Variants in SLC25A48 observed in about 807,000 individuals in gnomAD.
The protein encoded by SLC25A48 is solute carrier family 25 member 48.
SLC25A48 carries 29 observed loss-of-function variants against 32.2 expected under a neutral mutation model. The observed-to-expected ratio is 0.90, with a 90% confidence interval of 0.67 to 1.23. The LOEUF (loss-of-function observed/expected upper bound fraction) is 1.23, where lower values mean the gene tolerates loss of function less well. SLC25A48 is among the 50% of genes most tolerant of loss of function. The pLI is 0.00. For synonymous variants in SLC25A48, 164 were observed against 172.3 expected (o/e 0.95, Z 0.38); for missense variants, 399 against 422.7 (o/e 0.94, Z 0.49).
At chr5:135,669,230 C>T (rs911861427) in intron 3 of SLC25A48, among the ~76,000 whole-genome samples, 1 of 152,158 alleles carries the variant, frequency 6.6e-6, no homozygotes, top group Non-Finnish European at 1.5e-5. Context: ...GTCTTCTCCC[C>T]AGCCTGAGCA....
chr5:135,657,706 T>C (rs1753286914), intron 3 of SLC25A48, among the ~76,000 whole-genome samples: 1 of 152,178 alleles, frequency 6.6e-6, no homozygotes, highest in Non-Finnish European at 1.5e-5. Flanking sequence ...CTAAATTCCC[T>C]GGGCAGGAGT....
chr5:135,758,238 T>C (rs1755971352), intron 3 of SLC25A48, among the ~76,000 whole-genome samples: 1 of 150,862 alleles, frequency 6.6e-6, no homozygotes, highest in African/African-American at 2.4e-5. Context: ...CTCTATGATA[T>C]TTATAATATC....
intron 3 of SLC25A48, among the ~76,000 whole-genome samples, chr5:135,745,670 G>T (rs116383756): frequency 6.6e-6 from 1 of 152,190 alleles, no homozygotes; most frequent in Non-Finnish European, 1.5e-5. Flanking sequence ...ACTTAAAGCT[G>T]TGGTGGTTTA....
chr5:135,846,789 G>T (rs1190551755), intron 2 of SLC25A48, among the ~76,000 whole-genome samples: 2 of 152,122 alleles, frequency 1.3e-5, no homozygotes, highest in Non-Finnish European at 2.9e-5. Context: ...AGAGACCTGA[G>T]AAAATAGTAT....
At chr5:135,824,918 AG>A (rs1386320102) in intron 4 of SLC25A48, 1 of 152,284 alleles carries the variant, frequency 6.6e-6, no homozygotes, top group Non-Finnish European at 1.5e-5. Flanking sequence ...GCCCCTGGAC[AG>A]GCCCCTCTCA....
intron 5 of SLC25A48, chr5:135,872,865 T>A (rs1373516079): frequency 1.3e-5 from 2 of 152,340 alleles, no homozygotes; most frequent in African/African-American, 4.8e-5. Flanking sequence ...ACGAAGCTCA[T>A]GTCTTAGCCA....
rs905166711 is a variant in SLC25A48 at position 135,782,889 on chromosome 5, T to C, written c.-520-29634T>C. ...ACCAGCTGTACAACCCCCTGTGACA[T>C]TGGTTCAAAATCCAGGGGGTGAGAA... is the stretch of plus-strand genomic sequence containing the variant. On this transcript the variant is annotated intron_variant, in intron 3 of 10. Coordinates refer to the SLC25A48 transcript ENST00000646290. Among the ~76,000 whole-genome samples, 2 of 117,508 alleles carry C rather than the reference T, an allele frequency of 1.7e-5. 1 individual carries two copies. The highest frequency in any genetic ancestry group is 5.2e-5 in the African/African-American group (2 of 38,770). The allele number at this position is 117,508 out of a possible 152,430, so 77.1% of individuals were successfully genotyped here. A position where few individuals can be genotyped will look rare whatever the true frequency, so the allele number is the denominator to read the frequency against.
chr5:135,796,908 C>T (rs1757195707), intron 3 of SLC25A48, among the ~76,000 whole-genome samples: 1 of 151,506 alleles, frequency 6.6e-6, no homozygotes, highest in East Asian at 1.9e-4. Context: ...GAATGTACAC[C>T]CCTCCTGCGA....
intron 3 of SLC25A48, among the ~76,000 whole-genome samples, chr5:135,733,388 A>G (rs1755279060): frequency 6.6e-6 from 1 of 152,196 alleles, no homozygotes; most frequent in Non-Finnish European, 1.5e-5. Flanking sequence ...GGTATCTGGA[A>G]TAATGTGGGA....
chr5:135,636,315 C>T (rs1020487111), intron 3 of SLC25A48, among the ~76,000 whole-genome samples: 15 of 152,096 alleles, frequency 9.9e-5, no homozygotes, highest in Non-Finnish European at 1.9e-4. Context: ...GAGCGAGAGA[C>T]AAGTCAGCCA....
At chr5:135,810,893 G>A (rs1027143913) in intron 3 of SLC25A48, among the ~76,000 whole-genome samples, 3 of 152,314 alleles carry the variant, frequency 2.0e-5, no homozygotes, top group South Asian at 2.1e-4. Flanking sequence ...CTGGATAAGC[G>A]AATGTTTCTC....
At chr5:135,758,533 T>C (rs1387576598) in intron 3 of SLC25A48, among the ~76,000 whole-genome samples, 1 of 150,886 alleles carries the variant, frequency 6.6e-6, no homozygotes, top group Non-Finnish European at 1.5e-5. Flanking sequence ...TTGTGATATC[T>C]ATCATACCTC....
chr5:135,745,445 C>T (rs1164821080), intron 3 of SLC25A48, among the ~76,000 whole-genome samples: 4 of 152,178 alleles, frequency 2.6e-5, no homozygotes, highest in African/African-American at 9.7e-5. Flanking sequence ...TGTCACAGTG[C>T]TGCAGAGATT....
At chr5:135,775,173 C>T (rs1756518977) in intron 3 of SLC25A48, among the ~76,000 whole-genome samples, 3 of 151,706 alleles carry the variant, frequency 2.0e-5, no homozygotes, top group Non-Finnish European at 2.9e-5. Context: ...GATGATATTA[C>T]TCCCAATATC....
intron 3 of SLC25A48, among the ~76,000 whole-genome samples, chr5:135,772,133 C>T (rs1365462496): frequency 2.0e-5 from 3 of 151,300 alleles, no homozygotes; most frequent in African/African-American, 7.3e-5. Flanking sequence ...AATATTACTC[C>T]CAGTATCACA....
intron 3 of SLC25A48, among the ~76,000 whole-genome samples, chr5:135,687,359 A>G (rs6878474): frequency 0.6 from 91,927 of 152,052 alleles, 27,900 homozygotes; most frequent in Non-Finnish European, 0.62. Context: ...ACTTAGAATT[A>G]CAGTATTTAT....
At chr5:135,814,707 G>A (rs72791365) in intron 4 of SLC25A48, among the ~76,000 whole-genome samples, 58,001 of 152,134 alleles carry the variant, frequency 0.38, 12,598 homozygotes, top group Non-Finnish European at 0.49. Flanking sequence ...TGAATCCCCA[G>A]CCCTGGTGTG....
intron 3 of SLC25A48, among the ~76,000 whole-genome samples, chr5:135,660,080 A>G (rs1753360051): frequency 6.6e-6 from 1 of 152,218 alleles, no homozygotes; most frequent in Non-Finnish European, 1.5e-5. Context: ...AATTGTGCAT[A>G]CATAAAAATT....
intron 3 of SLC25A48, among the ~76,000 whole-genome samples, chr5:135,777,788 G>A (rs116687508): frequency 0.3 from 44,137 of 148,456 alleles, 6,630 homozygotes; most frequent in East Asian, 0.45. Flanking sequence ...AATATCCGGG[G>A]GGGGGGGGAA....
Sources: gnomAD v4.1 joint callset for allele counts (sites outside exome capture counted in the v4.1 genomes callset) on GRCh38, gnomAD v4.1.1 for gene constraint, MANE v1.5 for transcripts, NCBI Gene and HGNC (gene_info 2026-07-23, HGNC 2026-07-21) for gene names.